Variants in POC5 observed in about 807,000 individuals in gnomAD.
POC5 encodes POC5 centriolar protein, also known as centrosomal protein POC5.
Under a neutral mutation model 62.9 loss-of-function variants are expected in POC5, and 48 were observed. The observed-to-expected ratio is 0.76, with a 90% CI of 0.61 to 0.97. The LOEUF is 0.97. Among genes scored for constraint, POC5 ranks in the 50% least tolerant of loss-of-function variants. The pLI is 0.00. For synonymous variants in POC5, 236 were observed against 228.2 expected, an observed-to-expected ratio of 1.03 and a Z score of -0.31; for missense variants, 696 against 679.5, an observed-to-expected ratio of 1.02 and a Z score of -0.27.
chr5:75,677,358 A>G (rs1775707451), intron 11 of POC5, among the ~76,000 whole-genome samples: 1 of 152,244 alleles, frequency 6.6e-6, no homozygotes, highest in South Asian at 2.1e-4. Context: ...AAAAGGACCA[A>G]AAATTAAAAA....
At chr5:75,684,298 A>G (rs1244853815) in intron 10 of POC5, among the ~76,000 whole-genome samples, 1 of 142,412 alleles carries the variant, frequency 7.0e-6, no homozygotes, top group African/African-American at 2.7e-5. Context: ...AAAACACCCA[A>G]TAGTGTTCTT....
intron 10 of POC5, 30 bp from the exon 11 acceptor site, chr5:75,677,980 CA>C (rs1775737238): frequency 1.4e-6 from 2 of 1,445,484 alleles, no homozygotes; most frequent in Non-Finnish European, 1.8e-6. Context: ...AAAGAAGTAA[CA>C]AGGTGGCAGA....
Position 75,674,333 on chromosome 5 carries a change from T to C in POC5, c.*102A>G. ...TAATTTTGAACAGATGAACATGATG[T>C]CTCCATGATGTTCTAACAATATGGA... On this transcript the variant is annotated 3_prime_UTR_variant, in exon 12 of 12. Coordinates refer to ENST00000428202, the MANE Select transcript of POC5 (RefSeq NM_001099271.2). 8.5e-7 allele frequency: 1 copy of C among 1,176,810 alleles called. No homozygotes were observed. 72.9% of individuals were successfully genotyped at this position (1,176,810 alleles called of 1,614,324 possible). A position where few individuals can be genotyped will look rare whatever the true frequency, so the allele number is the denominator to read the frequency against.
intron 9 of POC5, among the ~76,000 whole-genome samples, chr5:75,687,174 G>C: frequency 6.6e-6 from 1 of 152,012 alleles, no homozygotes; most frequent in Non-Finnish European, 1.5e-5. Flanking sequence ...GGGACTACAG[G>C]TGCCTGCCAC....
chr5:75,694,233 A>G (rs908598184), intron 6 of POC5, among the ~76,000 whole-genome samples: 4 of 152,186 alleles, frequency 2.6e-5, no homozygotes, highest in Non-Finnish European at 4.4e-5. Flanking sequence ...GACCCCTAAA[A>G]GGATGGTTTA....
At position 75,674,440 on chromosome 5, in the gene POC5, C is replaced by T; in HGVS notation, c.1723G>A (p.Asp575Asn). The T allele has an allele frequency of 6.2e-7, 1 of 1,613,806 alleles. No homozygotes were observed. Residue 575 changes from aspartate (D) to asparagine (N), a missense_variant, in exon 12 of 12, where the codon GAC (aspartate) becomes AAC (asparagine). Physicochemically the swap from Asp to Asn is conservative, Grantham distance 23. Coordinates refer to ENST00000428202, the MANE Select transcript of POC5 (RefSeq NM_001099271.2). ...CCACTATGGACATATTCACTTTAGTCAACCACTTTTATGGAATGAACACTT... is the reference window on the plus strand; with the variant it reads ...CCACTATGGACATATTCACTTTAGTTAACCACTTTTATGGAATGAACACTT... Reference protein sequence around the residue: ...LTSVHSIKVVD With the variant: ...LTSVHSIKVVN
intron 9 of POC5, among the ~76,000 whole-genome samples, chr5:75,687,557 G>C (rs1776147743): frequency 6.6e-6 from 1 of 152,126 alleles, no homozygotes; most frequent in African/African-American, 2.4e-5. Context: ...AAAGTAACAG[G>C]AGCAAAAGAA....
chr5:75,710,331 T>C (rs17649350), intron 2 of POC5, among the ~76,000 whole-genome samples: 25,674 of 152,228 alleles, frequency 0.17, 2,379 homozygotes, highest in South Asian at 0.21. Flanking sequence ...GTGGCTGTTA[T>C]GGAGTTACGG....
intron 3 of POC5, 154 bp downstream of exon 3, chr5:75,707,583 T>C (rs1261475564): frequency 1.8e-6 from 1 of 563,902 alleles, no homozygotes; most frequent in Non-Finnish European, 3.1e-6. Flanking sequence ...GAATAATATA[T>C]TAAAATGTAA....
chr5:75,683,576 G>T (rs750864073), intron 10 of POC5, among the ~76,000 whole-genome samples: 19 of 151,998 alleles, frequency 1.3e-4, no homozygotes, highest in Non-Finnish European at 2.2e-4. Context: ...CTGCACAGGT[G>T]AGTCTGATAA....
intron 2 of POC5, chr5:75,712,568 A>C (rs771244871): frequency 1.1e-5 from 11 of 1,007,006 alleles, no homozygotes; most frequent in African/African-American, 1.6e-5. Flanking sequence ...AAATGAAAAA[A>C]ATTTAAACAA....
At chr5:75,709,224 GAAGA>G (rs1777244430) in intron 2 of POC5, among the ~76,000 whole-genome samples, 1 of 152,198 alleles carries the variant, frequency 6.6e-6, no homozygotes, top group Non-Finnish European at 1.5e-5. Flanking sequence ...GACAGAAGAG[GAAGA>G]GAGAGATATT....
chr5:75,713,738 A>C (rs1253124290), intron 1 of POC5, among the ~76,000 whole-genome samples: 1 of 152,214 alleles, frequency 6.6e-6, no homozygotes, highest in Non-Finnish European at 1.5e-5. Context: ...TTTTTAGAGA[A>C]GATGACCCAG....
chr5:75,692,334 C>T, intron 7 of POC5, 62 bp downstream of exon 7: 2 of 1,153,786 alleles, frequency 1.7e-6, no homozygotes, highest in South Asian at 1.6e-5. Context: ...AATAAGTGAT[C>T]CTGAGCACTT....
At chr5:75,693,834 T>A (rs1264114019) in intron 6 of POC5, among the ~76,000 whole-genome samples, 1 of 152,186 alleles carries the variant, frequency 6.6e-6, no homozygotes, top group Non-Finnish European at 1.5e-5. Flanking sequence ...GGGCACAGAT[T>A]TGTTGCCCAT....
At chr5:75,683,753 G>C (rs936673837) in intron 10 of POC5, among the ~76,000 whole-genome samples, 6 of 151,742 alleles carry the variant, frequency 4.0e-5, no homozygotes, top group Non-Finnish European at 7.4e-5. Context: ...GCCCAGGCTG[G>C]AGTGCAGTGG....
At chr5:75,684,628 G>A (rs1312502499) in intron 10 of POC5, among the ~76,000 whole-genome samples, 1 of 152,008 alleles carries the variant, frequency 6.6e-6, no homozygotes, top group Admixed American at 6.5e-5. Flanking sequence ...CTCCCAGAGT[G>A]CTGGGATTAC....
rs970489755 is a variant in POC5, at chr5:75,712,260, C to T, written c.84+594G>A. ...TTAAGATATACCATGTCATTATTCTCATATTTAAAATCTACTCCAGAAATC... is the reference window on the plus strand; with the variant it reads ...TTAAGATATACCATGTCATTATTCTTATATTTAAAATCTACTCCAGAAATC... On this transcript the variant is annotated intron_variant, in intron 2 of 11. Coordinates refer to ENST00000428202, the MANE Select transcript of POC5 (RefSeq NM_001099271.2). 15 of 1,260,236 alleles carry T rather than the reference C, an allele frequency of 1.2e-5. 1 individual carries two copies. The highest frequency in any genetic ancestry group is 1.6e-5 in the Non-Finnish European group (14 of 875,744). The allele number at this position is 1,260,236 out of a possible 1,614,324, so 78.1% of individuals were successfully genotyped here.
intron 10 of POC5, among the ~76,000 whole-genome samples, chr5:75,684,344 A>C (rs1009665706): frequency 6.6e-6 from 1 of 151,730 alleles, no homozygotes. Flanking sequence ...TCTCAAATTA[A>C]ATCTACTTTT....
Sources: gnomAD v4.1 joint callset for allele counts (sites outside exome capture counted in the v4.1 genomes callset) on GRCh38, gnomAD v4.1.1 for gene constraint, MANE v1.5 for transcripts, NCBI Gene and HGNC (gene_info 2026-07-23, HGNC 2026-07-21) for gene names.